NUP214: variants seen among roughly 807,000 people sequenced by gnomAD.
NUP214 encodes the protein nuclear pore complex protein Nup214.
Under a neutral mutation model 196.2 loss-of-function variants are expected in NUP214, and 79 were observed. The observed-to-expected ratio is 0.40, with a 90% CI of 0.34 to 0.49. The LOEUF (loss-of-function observed/expected upper bound fraction) is 0.49. NUP214 is among the 20% of genes least tolerant of loss of function. The pLI is 0.58. For missense variants in NUP214, 2,468 were observed against 2,539.0 expected, an observed-to-expected ratio of 0.97 and a Z score of 0.60; for synonymous variants, 1,020 against 990.5, an observed-to-expected ratio of 1.03 and a Z score of -0.56.
chr9:131,191,082 T>C (rs1269011020), intron 26 of NUP214: 2 of 152,116 alleles, frequency 1.3e-5, no homozygotes, highest in African/African-American at 4.8e-5. Context: ...TTTTAGAAGG[T>C]TGGTGTTTTT....
intron 14 of NUP214, 45 bp from the exon 15 acceptor site, chr9:131,150,279 A>G (rs1320457975): frequency 6.5e-7 from 1 of 1,545,588 alleles, no homozygotes. Flanking sequence ...AATTGCTTGT[A>G]GAAGCTATGA....
At chr9:131,147,727 C>A in intron 14 of NUP214, 143 bp downstream of exon 14, 1 of 649,794 alleles carries the variant, frequency 1.5e-6, no homozygotes, top group Non-Finnish European at 2.7e-6. Flanking sequence ...TACCAAAGTG[C>A]GAGGTTTGAA....
In NUP214 at chr9:131,175,763, T is replaced by C; in HGVS notation, c.3319+142T>C. The C allele has an allele frequency of 6.6e-6, 8 of 1,220,124 alleles. 1 individual carries two copies. Among genetic ancestry groups the C allele is most frequent in the Non-Finnish European group, 8.6e-6 (8 of 925,394 alleles). 75.6% of individuals were successfully genotyped at this position (1,220,124 alleles called of 1,614,324 possible). A position where few individuals can be genotyped will look rare whatever the true frequency, so the allele number is the denominator to read the frequency against. ...GATTGATGTGACAGCCCTCTCCCCT[T>C]TGTGGAGAGAGTTCTAAGAAAGCAG... On this transcript the variant is annotated intron_variant, in intron 23 of 35. Coordinates refer to ENST00000359428, the MANE Select transcript of NUP214 (RefSeq NM_005085.4).
chr9:131,177,109 A>G (rs189926296), intron 23 of NUP214, among the ~76,000 whole-genome samples: 12 of 152,320 alleles, frequency 7.9e-5, no homozygotes, highest in African/African-American at 2.9e-4. Flanking sequence ...ATCAATTTAG[A>G]GTTTTTTTTA....
intron 30 of NUP214, among the ~76,000 whole-genome samples, 155 bp from the exon 31 acceptor site, chr9:131,215,057 C>G (rs540051969): frequency 6.6e-6 from 1 of 152,318 alleles, no homozygotes; most frequent in East Asian, 1.9e-4. Flanking sequence ...TGTCCAGAGT[C>G]TAGCTTCTTT....
In NUP214 at chr9:131,197,235, A is replaced by C; in HGVS notation, c.3741A>C (p.Lys1247Asn). Residue 1247 changes from lysine to asparagine, a missense_variant, in exon 29 of 36, where the codon AAA (lysine) becomes AAC (asparagine). By Grantham distance (94) the Lys-to-Asn change is moderately conservative. This residue lies in a region of NUP214 where 1,801 missense variants were observed against 1,779.4 expected (regional missense o/e 1.01). Coordinates refer to ENST00000359428, the MANE Select transcript of NUP214 (RefSeq NM_005085.4). ...TAAQGATPSTKESSQPDAFSS... is the reference protein window; with the variant it reads ...TAAQGATPSTNESSQPDAFSS... ...TGCTAGGGGCAACACCCTCCACTAA[A>C]GAGTCAAGCCAGCCGGACGCATTCT... 6.2e-7 allele frequency: 1 copy of C among 1,614,160 alleles called. No homozygotes were observed. The highest frequency in any genetic ancestry group is 8.5e-7 in the Non-Finnish European group (1 of 1,179,996).
chr9:131,139,145 C>A, intron 9 of NUP214, 136 bp from the exon 10 acceptor site: 2 of 1,007,302 alleles, frequency 2.0e-6, no homozygotes, highest in Non-Finnish European at 2.6e-6. Flanking sequence ...CTAGTCAACA[C>A]CTGAGTCTAA....
intron 17 of NUP214, 173 bp from the exon 18 acceptor site, chr9:131,159,210 G>A (rs191765561): frequency 3.7e-5 from 22 of 597,690 alleles, no homozygotes; most frequent in East Asian, 2.3e-4. Context: ...CACTACACCC[G>A]GCCTCATTTT....
chr9:131,223,432 T>C (rs1021478604), intron 32 of NUP214, among the ~76,000 whole-genome samples: 1 of 152,154 alleles, frequency 6.6e-6, no homozygotes, highest in African/African-American at 2.4e-5. Flanking sequence ...CCCAAAGTGC[T>C]GGGACTACAG....
chr9:131,196,210 G>A (rs1833785638), intron 28 of NUP214, among the ~76,000 whole-genome samples: 1 of 151,970 alleles, frequency 6.6e-6, no homozygotes, highest in South Asian at 2.1e-4. Flanking sequence ...CCAGGCTGGA[G>A]TGTAATGGCG....
intron 17 of NUP214, chr9:131,159,060 G>GT (rs1322390406): frequency 9.8e-6 from 2 of 203,842 alleles, no homozygotes; most frequent in African/African-American, 2.3e-5. Context: ...TAATTATAAA[G>GT]TTTTTTTATG....
chr9:131,169,420 G>A (rs1427908176), intron 21 of NUP214, among the ~76,000 whole-genome samples: 2 of 152,192 alleles, frequency 1.3e-5, no homozygotes, highest in Non-Finnish European at 2.9e-5. Flanking sequence ...TGAGGCAGGA[G>A]GATCACTTGA....
chr9:131,230,859 C>T, intron 34 of NUP214, 90 bp downstream of exon 34: 1 of 1,438,668 alleles, frequency 7.0e-7, no homozygotes, highest in Non-Finnish European at 9.4e-7. Flanking sequence ...CCTGACCAGT[C>T]TGTTTAGTAT....
chr9:131,128,165 A>G (rs748569342), intron 2 of NUP214, among the ~76,000 whole-genome samples, 167 bp from the exon 3 acceptor site: 1 of 152,252 alleles, frequency 6.6e-6, no homozygotes, highest in Non-Finnish European at 1.5e-5. Context: ...TACTTAATCC[A>G]TCATTATATA....
rs1832232454 is a variant in NUP214 at position 131,150,714 on chromosome 9, A to G, written c.2226A>G (p.Thr742=). The G allele has an allele frequency of 6.2e-7, 1 of 1,614,204 alleles. No homozygotes were observed. Among genetic ancestry groups the G allele is most frequent in the Non-Finnish European group, 8.5e-7 (1 of 1,180,024 alleles). ...CTGAGGAGATGAAGATGCTGCGAACAGAATCAGATGACTTGCATACCTTTC... is the reference window on the plus strand; with the variant it reads ...CTGAGGAGATGAAGATGCTGCGAACGGAATCAGATGACTTGCATACCTTTC... ...GTSEEMKMLR[T]ESDDLHTFLL... is the part of the protein sequence containing the mutation. The change falls in exon 16 of 36, where the codon ACA becomes ACG. Residue 742 remains threonine (T), a synonymous_variant. Transcript: ENST00000359428.
At chr9:131,191,313 C>T (rs1484296068) in intron 26 of NUP214, 2 of 151,872 alleles carry the variant, frequency 1.3e-5, no homozygotes, top group African/African-American at 2.4e-5. Context: ...AAAAAAAATA[C>T]AAAAATTAGC....
intron 20 of NUP214, 21 bp downstream of exon 20, chr9:131,163,976 C>T: frequency 6.2e-7 from 1 of 1,612,500 alleles, no homozygotes. Flanking sequence ...CCTTCCCAGT[C>T]TTTTAACTCC....
chr9:131,149,698 C>T (rs566604981), intron 14 of NUP214, among the ~76,000 whole-genome samples: 1 of 152,212 alleles, frequency 6.6e-6, no homozygotes, highest in African/African-American at 2.4e-5. Context: ...TCTTGTAAAA[C>T]ACCAGTAGTA....
intron 24 of NUP214, among the ~76,000 whole-genome samples, chr9:131,184,853 C>T (rs1833406271): frequency 6.6e-6 from 1 of 152,128 alleles, no homozygotes; most frequent in Non-Finnish European, 1.5e-5. Context: ...TCAAAAACGC[C>T]CAAGAATTGA....
Sources: allele counts gnomAD v4.1 joint callset (sites outside exome capture counted in the v4.1 genomes callset), GRCh38; gene constraint gnomAD v4.1.1; regional missense constraint gnomAD v4.1.1; transcripts MANE v1.5; gene names NCBI Gene and HGNC (gene_info 2026-07-23, HGNC 2026-07-21).